The following PLXNB3 variants were observed in gnomAD, a reference collection of about 807,000 sequenced individuals.
The protein encoded by PLXNB3 is plexin-B3.
A neutral mutation model predicts 125.7 loss-of-function variants in PLXNB3; 80 were observed. That is an observed-to-expected ratio of 0.64 (90% CI 0.53 to 0.77). The LOEUF (loss-of-function observed/expected upper bound fraction) is 0.77, where lower values mean the gene tolerates loss of function less well. Ranked by LOEUF, PLXNB3 falls within the 30% of genes least tolerant of loss-of-function variation. The pLI, the probability that PLXNB3 is intolerant of heterozygous loss-of-function variation, is 0.00. For missense variants in PLXNB3, 1,836 were observed against 1,729.3 expected (o/e 1.06, Z -1.09); for synonymous variants, 954 against 783.3 (o/e 1.22, Z -3.64).
At position 153,769,201 on chromosome X, in the gene PLXNB3, G is replaced by C. The variant is rs1557060618; in HGVS notation, c.1435G>C (p.Asp479His). 2 of 1,182,632 alleles carry C rather than the reference G, an allele frequency of 1.7e-6. No individual in the cohort carries two copies. The highest frequency in any genetic ancestry group is 2.3e-6 in the Non-Finnish European group (2 of 880,901). Residue 479 changes from aspartate to histidine, a missense_variant, in exon 6 of 36, where the codon GAC (aspartate) becomes CAC (histidine). Coordinates refer to ENST00000361971, the MANE Select transcript of PLXNB3 (RefSeq NM_005393.3). ...IPVAACPQFP[D>H]CASCLQAQDP... The stretch of plus-strand genomic sequence containing the variant: ...TGTGGCAGCCTGCCCCCAGTTCCCT[G>C]ACTGTGCCAGCTGCCTCCAGGCCCA...
Position 153,770,432 on chromosome X carries a change from G to A in PLXNB3, c.1881G>A (p.Leu627=). ...ATGACTGCAGTGCCGTCCAGGCCTTGGAGGCGGCTGCCCCGTGAGTCCCTG... is the reference window on the plus strand; with the variant it reads ...ATGACTGCAGTGCCGTCCAGGCCTTAGAGGCGGCTGCCCCGTGAGTCCCTG... ...SFYDCSAVQA[L]EAAAPCRACV... The change falls in exon 9 of 36, where the codon TTG becomes TTA. Residue 627 remains leucine, a synonymous_variant. Coordinates refer to ENST00000361971, the MANE Select transcript of PLXNB3 (RefSeq NM_005393.3). 1 of 1,208,833 alleles carries A rather than the reference G, an allele frequency of 8.3e-7. No individual in the cohort carries two copies. Among genetic ancestry groups the A allele is most frequent in the East Asian group, 3.0e-5 (1 of 33,821 alleles).
Position 153,776,994 on chromosome X carries a change from C to T in PLXNB3, c.4927+14C>T, listed in dbSNP as rs2092004209. The stretch of plus-strand genomic sequence containing the variant: ...CCTTGGGAGAGAGTGAGTCCCTCGG[C>T]CCTGACCTGGGGCCACTGGAGTCCA... On this transcript the variant is annotated intron_variant, in intron 29 of 35. Transcript: ENST00000361971. The T allele has an allele frequency of 8.9e-7, 1 of 1,126,118 alleles. No individual in the cohort carries two copies. Among genetic ancestry groups the T allele is most frequent in the Non-Finnish European group, 1.2e-6 (1 of 829,405 alleles). 92.8% of individuals were successfully genotyped at this position (1,126,118 alleles called of 1,213,427 possible).
At position 153,769,181 on chromosome X, in the gene PLXNB3, C is replaced by T; in HGVS notation, c.1415C>T (p.Ala472Val). 1 of 1,185,741 alleles carries T rather than the reference C, an allele frequency of 8.4e-7. No individual in the cohort carries two copies. The highest frequency in any genetic ancestry group is 1.1e-6 in the Non-Finnish European group (1 of 882,312). Residue 472 changes from alanine to valine, a missense_variant, in exon 6 of 36, where the codon GCA (alanine) becomes GTA (valine). Ala to Val is a moderately conservative substitution (Grantham distance 64). Coordinates refer to ENST00000361971, the MANE Select transcript of PLXNB3 (RefSeq NM_005393.3). ...CTCCAGGTGGACCGGATACCTGTGG[C>T]AGCCTGCCCCCAGTTCCCTGACTGT... ...TAHQVDRIPVAACPQFPDCAS... is the reference protein window; with the variant it reads ...TAHQVDRIPVVACPQFPDCAS...
chrX:153,777,688 G>A lies in PLXNB3; in HGVS notation c.5261G>A (p.Ser1754Asn). Residue 1754 changes from serine (S) to asparagine (N), a missense_variant and splice_region_variant, in exon 31 of 36, where the codon AGT becomes AAT. Ser to Asn is a conservative substitution (Grantham distance 46). Transcript: ENST00000361971. ...ACCCTGCACATCTGGAAGACCAACA[G>A]GTGCCTTTCCTGCTGCCCCACCCCT... Reference protein sequence around the residue: ...PGTLHIWKTNSLLLRFWVNAL... With the variant: ...PGTLHIWKTNNLLLRFWVNAL... 8.3e-7 allele frequency: 1 copy of A among 1,210,056 alleles called. No individual in the cohort carries two copies. Among genetic ancestry groups the A allele is most frequent in the Non-Finnish European group, 1.1e-6 (1 of 894,093 alleles).
intron 34 of PLXNB3, 47 bp downstream of exon 34, chrX:153,778,518 G>C: frequency 8.4e-7 from 1 of 1,189,351 alleles, no homozygotes; most frequent in East Asian, 3.0e-5. Flanking sequence ...TGGGTGGAAA[G>C]ACTAGCAGAG....
Position 153,771,074 on chromosome X carries a change from C to G in PLXNB3, c.2246C>G (p.Ala749Gly), listed in dbSNP as rs373921353. The G allele has an allele frequency of 3.9e-5, 47 of 1,200,104 alleles. No individual in the cohort carries two copies. The highest frequency in any genetic ancestry group is 5.1e-5 in the Non-Finnish European group (45 of 886,828). The change falls in exon 12 of 36, where the codon GCC (alanine) becomes GGC (glycine). Residue 749 changes from alanine (A) to glycine (G), a missense_variant. Coordinates refer to ENST00000361971, the MANE Select transcript of PLXNB3 (RefSeq NM_005393.3). The part of the protein sequence containing the change: ...AGDSGLIHCQ[A>G]HQFYPSMSQR... Reference sequence around the variant, plus strand: ...GATTCAGGCCTCATCCACTGCCAGGCCCACCAGGTGAGTGGCTGCCTTCCA... The same window carrying G: ...GATTCAGGCCTCATCCACTGCCAGGGCCACCAGGTGAGTGGCTGCCTTCCA...
At position 153,768,172 on chromosome X, in the gene PLXNB3, G is replaced by A. The variant is rs73640822; in HGVS notation, c.1087-77G>A. The A allele has an allele frequency of 7.5e-3, 7,762 of 1,030,834 alleles. 302 individuals are homozygous for A. The African/African-American group carries it at 0.12, about 16-fold the overall frequency. The allele number at this position is 1,030,834 out of a possible 1,213,427, so 85.0% of individuals were successfully genotyped here. ...TCCCAGGGTGCCTGGCTCTCCTCCC[G>A]CTGGCAGCCTGGGTACCCCCCCTGA... On this transcript the variant is annotated intron_variant, in intron 3 of 35. Coordinates refer to ENST00000361971, the MANE Select transcript of PLXNB3 (RefSeq NM_005393.3).
chrX:153,775,218 T>C lies in PLXNB3; in HGVS notation c.4156-7T>C. On this transcript the variant is annotated splice_polypyrimidine_tract_variant and splice_region_variant and intron_variant, in intron 24 of 35. Coordinates refer to ENST00000361971, the MANE Select transcript of PLXNB3 (RefSeq NM_005393.3). ...CTTCCCAGGATGAGCCTCCGACCCCTGCTCAGCTCATCCACACCCTGGAGG... is the reference window on the plus strand; with the variant it reads ...CTTCCCAGGATGAGCCTCCGACCCCCGCTCAGCTCATCCACACCCTGGAGG... The C allele has an allele frequency of 1.7e-6, 2 of 1,172,683 alleles. No homozygotes were observed. Among genetic ancestry groups the C allele is most frequent in the Non-Finnish European group, 2.3e-6 (2 of 875,358 alleles).
chrX:153,764,891 G>A lies in PLXNB3; in HGVS notation c.-65-580G>A, dbSNP rs184695364. On this transcript the variant is annotated intron_variant, in intron 1 of 35. Transcript: ENST00000361971. Reference sequence around the variant, plus strand: ...CCCATCTCAAGCAGCCTCCTCCCGTGGTCCTGCTCGCTGCCACCATGCTGT... The same window carrying A: ...CCCATCTCAAGCAGCCTCCTCCCGTAGTCCTGCTCGCTGCCACCATGCTGT... 8.0e-5 allele frequency among the ~76,000 whole-genome samples: 9 copies of A among 113,086 alleles called. No individual in the cohort carries two copies. In the East Asian group the frequency reaches 1.7e-3, roughly 21 times the overall value.
Position 153,776,473 on chromosome X carries a change from C to T in PLXNB3, c.4833+14C>T, listed in dbSNP as rs781809655. On this transcript the variant is annotated intron_variant, in intron 28 of 35. Coordinates refer to ENST00000361971, the MANE Select transcript of PLXNB3 (RefSeq NM_005393.3). ...CAACACTACAAGGTGTGAGCAGGGA[C>T]GGGGCGAGGCAGGGCGGGGCTGGGG... The T allele has an allele frequency of 4.5e-5, 17 of 377,241 alleles. No individual in the cohort carries two copies. The highest frequency in any genetic ancestry group is 1.6e-4 in the Admixed American group (5 of 30,918). The allele number at this position is 377,241 out of a possible 1,213,427, so 31.1% of individuals were successfully genotyped here. A position where few individuals can be genotyped will look rare whatever the true frequency, so the allele number is the denominator to read the frequency against.
In PLXNB3 at chrX:153,773,947, T is replaced by G; in HGVS notation, c.3368T>G (p.Phe1123Cys). 1.7e-6 allele frequency: 2 copies of G among 1,210,856 alleles called. No homozygotes were observed. The highest frequency in any genetic ancestry group is 2.2e-6 in the Non-Finnish European group (2 of 895,294). Reference sequence around the variant, plus strand: ...GACAGAGCCCACCCGCAGCGGGTCTTCTTCACCCTAGACAACGTGCAAGTG... The same window carrying G: ...GACAGAGCCCACCCGCAGCGGGTCTGCTTCACCCTAGACAACGTGCAAGTG... ...VPDRAHPQRV[F>C]FTLDNVQVDF... The change falls in exon 20 of 36, where the codon TTC becomes TGC. Residue 1123 changes from phenylalanine (F) to cysteine (C), a missense_variant. Phe to Cys is a radical substitution (Grantham distance 205). Coordinates refer to ENST00000361971, the MANE Select transcript of PLXNB3 (RefSeq NM_005393.3).
At position 153,767,515 on chromosome X, in the gene PLXNB3, T is replaced by A; in HGVS notation, c.688T>A (p.Tyr230Asn). The A allele has an allele frequency of 8.5e-7, 1 of 1,182,278 alleles. No individual in the cohort carries two copies. Among genetic ancestry groups the A allele is most frequent in the African/African-American group, 1.7e-5 (1 of 57,208 alleles). Residue 230 changes from tyrosine (Y) to asparagine (N), a missense_variant, in exon 3 of 36, where the codon TAC becomes AAC. Tyr to Asn is a moderately radical substitution (Grantham distance 143). Transcript: ENST00000361971. ...GRLVVGDFSD[Y>N]NNSYVGAFAD... is the part of the protein sequence containing the mutation. ...CCTGGTGGTGGGCGACTTCTCCGAC[T>A]ACAACAACAGCTACGTCGGGGCCTT... is the stretch of plus-strand genomic sequence containing the variant.
At chrX:153,776,638 CAGGGCT>C in intron 28 of PLXNB3, among the ~76,000 whole-genome samples, 179 bp downstream of exon 28, 1 of 33,551 alleles carries the variant, frequency 3.0e-5, no homozygotes, top group Non-Finnish European at 5.2e-5. Context: ...CAGAGCAGGG[CAGGGCT>C]GGGGCGGGGC....
Position 153,773,698 on chromosome X carries a change from T to A in PLXNB3, c.3264T>A (p.Gly1088=), listed in dbSNP as rs2091957076. ...ACCCCCAGGCTTGTATCCAGCTCGG[T>A]GGGGGGCTGCTGCAGGTGAGCCCCT... ...AADPQACIQL[G]GGLLQCSTVC... is the part of the protein sequence containing the mutation. The change falls in exon 19 of 36, where the codon GGT becomes GGA. Residue 1088 remains glycine (G), a synonymous_variant. Transcript: ENST00000361971. The A allele has an allele frequency of 8.6e-7, 1 of 1,162,640 alleles. No individual in the cohort carries two copies. The highest frequency in any genetic ancestry group is 1.1e-6 in the Non-Finnish European group (1 of 872,144).
chrX:153,767,759 A>G lies in PLXNB3; in HGVS notation c.932A>G (p.Gln311Arg). ...GVFAAGPRGT[Q>R]AALCAFPMVE... ...TTTGCCGCGGGCCCAAGGGGCACCC[A>G]GGCGGCGCTCTGTGCCTTCCCCATG... Residue 311 changes from glutamine to arginine, a missense_variant, in exon 3 of 36, where the codon CAG (glutamine) becomes CGG (arginine). Transcript: ENST00000361971. 1 of 1,172,196 alleles carries G rather than the reference A, an allele frequency of 8.5e-7. No individual in the cohort carries two copies. The highest frequency in any genetic ancestry group is 1.1e-6 in the Non-Finnish European group (1 of 875,700).
intron 6 of PLXNB3, among the ~76,000 whole-genome samples, chrX:153,769,508 C>G (rs1199034160): frequency 3.6e-5 from 4 of 112,620 alleles, no homozygotes; most frequent in Non-Finnish European, 7.5e-5. Context: ...GTCCAGAACC[C>G]CACACAGCTG....
In PLXNB3 at chrX:153,777,394, G is replaced by A. The variant is rs1244244388; in HGVS notation, c.5100+14G>A. The stretch of plus-strand genomic sequence containing the variant: ...CTGTCCATGAAGGTTGGTGCGGCCT[G>A]GGTGGCTGGGCCTGAGAGGAGGCTC... On this transcript the variant is annotated intron_variant, in intron 30 of 35. Transcript: ENST00000361971. 1 of 1,187,968 alleles carries A rather than the reference G, an allele frequency of 8.4e-7. No individual in the cohort carries two copies. The highest frequency in any genetic ancestry group is 2.2e-5 in the Admixed American group (1 of 44,918).
At position 153,776,230 on chromosome X, in the gene PLXNB3, CTG is replaced by C. The variant is rs2148429885; in HGVS notation, c.4729+17_4729+18del. On this transcript the variant is annotated intron_variant, in intron 27 of 35. Transcript: ENST00000361971. ...CTAGACCTTGGTGAGAGAGCCAGCCCTGCCCACCCACCCCAGGGACCCTTCCC... is the reference window on the plus strand; with the variant it reads ...CTAGACCTTGGTGAGAGAGCCAGCCCCCCACCCACCCCAGGGACCCTTCCC... 1 of 1,131,778 alleles carries C rather than the reference CTG, an allele frequency of 8.8e-7. No individual in the cohort carries two copies. 93.3% of individuals were successfully genotyped at this position (1,131,778 alleles called of 1,213,427 possible).
At chrX:153,777,745 G>A (rs2092012738) in intron 31 of PLXNB3, 57 bp downstream of exon 31, 1 of 1,158,079 alleles carries the variant, frequency 8.6e-7, no homozygotes, top group Non-Finnish European at 1.2e-6. Flanking sequence ...GTCCCAGAGA[G>A]ACCAGGACAT....
Sources: allele counts gnomAD v4.1 joint callset (sites outside exome capture counted in the v4.1 genomes callset), GRCh38; gene constraint gnomAD v4.1.1; transcripts MANE v1.5; gene names NCBI Gene and HGNC (gene_info 2026-07-23, HGNC 2026-07-21).